The following MUC13 variants were observed in gnomAD, a reference collection of about 807,000 sequenced individuals.
The protein encoded by MUC13 is mucin-13.
MUC13 carries 32 observed loss-of-function variants against 48.3 expected under a neutral mutation model. That is an observed-to-expected ratio of 0.66 (90% CI 0.50 to 0.89). The LOEUF (loss-of-function observed/expected upper bound fraction) is 0.89. Among genes scored for constraint, MUC13 ranks in the 40% least tolerant of loss-of-function variants. The pLI is 0.00. For synonymous variants in MUC13, 199 were observed against 224.9 expected, an observed-to-expected ratio of 0.88 and a Z score of 1.03; for missense variants, 571 against 622.8, an observed-to-expected ratio of 0.92 and a Z score of 0.88.
chr3:124,927,852 G>T lies in MUC13; in HGVS notation c.194C>A (p.Thr65Lys). ...TATGGGGGGAGCAGGTGAAGTAGCTGTTGGGAAAGAAGGTGTATTTGCTGT... is the reference window on the plus strand; with the variant it reads ...TATGGGGGGAGCAGGTGAAGTAGCTTTTGGGAAAGAAGGTGTATTTGCTGT... ...STTANTPSFP[T>K]ATSPAPPIIS... is the part of the protein sequence containing the mutation. Residue 65 changes from threonine to lysine, a missense_variant, in exon 2 of 12, where the codon ACA becomes AAA. Thr to Lys is a moderately conservative substitution (Grantham distance 78). Coordinates refer to ENST00000616727, the MANE Select transcript of MUC13 (RefSeq NM_033049.4). 3 of 1,613,962 alleles carry T rather than the reference G, an allele frequency of 1.9e-6. No individual in the cohort carries two copies. The highest frequency in any genetic ancestry group is 1.7e-5 in the Admixed American group (1 of 59,998).
chr3:124,907,220 T>G (rs1325795290), intron 11 of MUC13, among the ~76,000 whole-genome samples: 1 of 152,216 alleles, frequency 6.6e-6, no homozygotes, highest in African/African-American at 2.4e-5. Flanking sequence ...TTGCCCAGGC[T>G]GGTCTCGAAC....
chr3:124,922,058 C>T (rs1005053081), intron 4 of MUC13, 139 bp downstream of exon 4: 2 of 982,982 alleles, frequency 2.0e-6, no homozygotes, highest in East Asian at 5.9e-5. Flanking sequence ...TGTTTACCGA[C>T]CAGTAAAGGT....
chr3:124,912,078 T>C, intron 9 of MUC13, 26 bp downstream of exon 9: 1 of 1,609,500 alleles, frequency 6.2e-7, no homozygotes, highest in Non-Finnish European at 8.5e-7. Context: ...ATAACTTGTT[T>C]ATAATAGCAA....
chr3:124,934,517 C>T, intron 1 of MUC13, 144 bp downstream of exon 1: 1 of 612,614 alleles, frequency 1.6e-6, no homozygotes, highest in South Asian at 2.2e-5. Context: ...ATGTCTGTGT[C>T]TTTGAGCTGA....
intron 1 of MUC13, among the ~76,000 whole-genome samples, chr3:124,931,640 C>A (rs927065666): frequency 6.6e-6 from 1 of 151,538 alleles, no homozygotes; most frequent in Non-Finnish European, 1.5e-5. Flanking sequence ...CCCAGCCACT[C>A]GGGAAACTGA....
chr3:124,913,846 G>C (rs1305540689), intron 6 of MUC13, among the ~76,000 whole-genome samples, 165 bp from the exon 7 acceptor site: 2 of 152,206 alleles, frequency 1.3e-5, no homozygotes, highest in Non-Finnish European at 2.9e-5. Flanking sequence ...GAAGGCCAAG[G>C]CAGGAGTATC....
At chr3:124,909,954 A>T (rs1298737381) in intron 10 of MUC13, among the ~76,000 whole-genome samples, 2 of 152,216 alleles carry the variant, frequency 1.3e-5, no homozygotes, top group Admixed American at 1.3e-4. Context: ...ATATTATTTT[A>T]AAAGATAGAA....
chr3:124,917,950 C>T lies in MUC13; in HGVS notation c.801-1470G>A, dbSNP rs530892213. ...ATACACTAATTCAGGAGAGGCAAGA[C>T]GTTACACCTGTGAAACGGTTAAAGG... On this transcript the variant is annotated intron_variant, in intron 5 of 11. Transcript: ENST00000616727. 1.1e-4 allele frequency among the ~76,000 whole-genome samples: 17 copies of T among 152,238 alleles called. No individual in the cohort carries two copies. The South Asian group carries it at 1.5e-3, about 13-fold the overall frequency.
chr3:124,929,703 T>G (rs1935759933), intron 1 of MUC13, among the ~76,000 whole-genome samples: 1 of 152,230 alleles, frequency 6.6e-6, no homozygotes, highest in African/African-American at 2.4e-5. Context: ...TGTGCCCGAC[T>G]GTACCTGTGA....
At chr3:124,929,797 T>C (rs1176375353) in intron 1 of MUC13, among the ~76,000 whole-genome samples, 1 of 152,170 alleles carries the variant, frequency 6.6e-6, no homozygotes, top group Non-Finnish European at 1.5e-5. Flanking sequence ...CAAAGCCAGG[T>C]CTGTGAGATG....
At chr3:124,915,576 T>G (rs959268540) in intron 6 of MUC13, among the ~76,000 whole-genome samples, 1 of 152,108 alleles carries the variant, frequency 6.6e-6, no homozygotes, top group Admixed American at 6.5e-5. Flanking sequence ...TTCAGACCCA[T>G]AGAATTCTAG....
chr3:124,913,647 C>T lies in MUC13; in HGVS notation c.999G>A (p.Gln333=), dbSNP rs1170703723. 2 of 1,614,052 alleles carry T rather than the reference C, an allele frequency of 1.2e-6. No individual in the cohort carries two copies. The highest frequency in any genetic ancestry group is 1.1e-5 in the South Asian group (1 of 91,086). Residue 333 remains glutamine, a synonymous_variant, in exon 7 of 12, where the codon CAG becomes CAA. Coordinates refer to ENST00000616727, the MANE Select transcript of MUC13 (RefSeq NM_033049.4). ...TLRCDYYGCN[Q]TADDCLNGLA... is the part of the protein sequence containing the mutation. ...AACCATTGAGGCAGTCATCCGCAGTCTGGTTACAGCCATAATAATCACACC... is the reference window on the plus strand; with the variant it reads ...AACCATTGAGGCAGTCATCCGCAGTTTGGTTACAGCCATAATAATCACACC...
At chr3:124,933,105 C>T (rs1935823579) in intron 1 of MUC13, among the ~76,000 whole-genome samples, 1 of 152,110 alleles carries the variant, frequency 6.6e-6, no homozygotes, top group African/African-American at 2.4e-5. Flanking sequence ...GGTGAGCCCT[C>T]CCCTCCTGTG....
At position 124,906,153 on chromosome 3, in the gene MUC13, G is replaced by A. The variant is rs952663054; in HGVS notation, c.*590C>T. ...AGATATGTCTCTTTCCAGTCTTCTTGGGTGAGGCTAGGTTGCAAGCTCTGG... is the reference window on the plus strand; with the variant it reads ...AGATATGTCTCTTTCCAGTCTTCTTAGGTGAGGCTAGGTTGCAAGCTCTGG... On this transcript the variant is annotated 3_prime_UTR_variant, in exon 12 of 12. Transcript: ENST00000616727. 6.6e-6 allele frequency: 1 copy of A among 152,636 alleles called. No homozygotes were observed. The highest frequency in any genetic ancestry group is 6.5e-5 in the Admixed American group (1 of 15,284). 9.5% of individuals were successfully genotyped at this position (152,636 alleles called of 1,614,324 possible).
At chr3:124,928,650 G>C (rs375599263) in intron 1 of MUC13, among the ~76,000 whole-genome samples, 1 of 152,188 alleles carries the variant, frequency 6.6e-6, no homozygotes, top group East Asian at 1.9e-4. Context: ...CCAAAGTGCT[G>C]GGATTGCAGA....
intron 8 of MUC13, 23 bp from the exon 9 acceptor site, chr3:124,912,164 A>T: frequency 1.2e-6 from 2 of 1,610,928 alleles, no homozygotes; most frequent in East Asian, 4.5e-5. Flanking sequence ...GAGCAATAGG[A>T]AACAGTGTTA....
chr3:124,923,504 A>G (rs1450012461), intron 3 of MUC13, 23 bp downstream of exon 3: 2 of 1,609,694 alleles, frequency 1.2e-6, no homozygotes, highest in Non-Finnish European at 1.7e-6. Flanking sequence ...GAGCTCAGCC[A>G]TGGCTCATCC....
At chr3:124,932,908 ACT>A (rs1395022533) in intron 1 of MUC13, among the ~76,000 whole-genome samples, 2 of 151,418 alleles carry the variant, frequency 1.3e-5, no homozygotes, top group African/African-American at 4.9e-5. Context: ...GATTCCCTTA[ACT>A]CTCTATTCAT....
At chr3:124,933,419 C>T (rs1213022646) in intron 1 of MUC13, among the ~76,000 whole-genome samples, 1 of 152,154 alleles carries the variant, frequency 6.6e-6, no homozygotes, top group African/African-American at 2.4e-5. Flanking sequence ...ACTATTGCTC[C>T]TGTTCCCCTC....
Sources: gnomAD v4.1 joint callset for allele counts (sites outside exome capture counted in the v4.1 genomes callset) on GRCh38, gnomAD v4.1.1 for gene constraint, MANE v1.5 for transcripts, NCBI Gene and HGNC (gene_info 2026-07-23, HGNC 2026-07-21) for gene names.